Variants in VAT1L observed in about 807,000 individuals in gnomAD.
VAT1L encodes vesicle amine transport 1 like.
A neutral mutation model predicts 44.1 loss-of-function variants in VAT1L; 34 were observed. That is an observed-to-expected ratio of 0.77 (90% confidence interval 0.59 to 1.03). The LOEUF (loss-of-function observed/expected upper bound fraction) is 1.03. Ranked by LOEUF, VAT1L falls within the 50% of genes least tolerant of loss-of-function variation. The pLI is 0.00. For missense variants in VAT1L, 615 were observed against 538.8 expected, an observed-to-expected ratio of 1.14 and a Z score of -1.40; for synonymous variants, 253 against 202.2, an observed-to-expected ratio of 1.25 and a Z score of -2.13.
intron 7 of VAT1L, among the ~76,000 whole-genome samples, chr16:77,925,891 A>G (rs1405446966): frequency 6.6e-6 from 1 of 152,042 alleles, no homozygotes; most frequent in Non-Finnish European, 1.5e-5. Context: ...GAAGCTGCCT[A>G]GATGCTTTAT....
At chr16:77,856,025 C>CAAAA (rs1431319671) in intron 3 of VAT1L, among the ~76,000 whole-genome samples, 5 of 152,034 alleles carry the variant, frequency 3.3e-5, no homozygotes, top group African/African-American at 1.2e-4. Flanking sequence ...AACAAACAAA[C>CAAAA]AAACAAACAA....
intron 7 of VAT1L, among the ~76,000 whole-genome samples, chr16:77,946,780 C>A (rs1380355587): frequency 6.6e-6 from 1 of 152,154 alleles, no homozygotes; most frequent in Non-Finnish European, 1.5e-5. Flanking sequence ...TTAGATTCAC[C>A]CTTCCTTGTG....
At chr16:77,849,137 T>C (rs542388238) in intron 3 of VAT1L, among the ~76,000 whole-genome samples, 1 of 152,188 alleles carries the variant, frequency 6.6e-6, no homozygotes, top group East Asian at 1.9e-4. Flanking sequence ...CGTGTATGCC[T>C]ATGTAACAAA....
chr16:77,850,411 AAG>A (rs2016797272), intron 3 of VAT1L, among the ~76,000 whole-genome samples: 1 of 152,168 alleles, frequency 6.6e-6, no homozygotes, highest in Non-Finnish European at 1.5e-5. Flanking sequence ...ATCAGAATCC[AAG>A]TCCCACTGAT....
chr16:77,904,633 T>C (rs1037929258), intron 7 of VAT1L, among the ~76,000 whole-genome samples: 5 of 152,210 alleles, frequency 3.3e-5, no homozygotes, highest in South Asian at 2.1e-4. Context: ...AACCATTGCA[T>C]TGGGGTTCAG....
At chr16:77,924,382 A>G (rs1415772041) in intron 7 of VAT1L, among the ~76,000 whole-genome samples, 1 of 152,026 alleles carries the variant, frequency 6.6e-6, no homozygotes, top group African/African-American at 2.4e-5. Flanking sequence ...AGTGTATGAG[A>G]GCCGGGAATG....
chr16:77,959,611 C>G (rs1365966262), intron 7 of VAT1L, among the ~76,000 whole-genome samples: 3 of 152,118 alleles, frequency 2.0e-5, no homozygotes, highest in Non-Finnish European at 4.4e-5. Flanking sequence ...TGCTTATTAT[C>G]ATTCATAGCA....
At chr16:77,819,746 C>A (rs1004655396) in intron 2 of VAT1L, among the ~76,000 whole-genome samples, 2 of 152,366 alleles carry the variant, frequency 1.3e-5, no homozygotes, top group Admixed American at 1.3e-4. Flanking sequence ...GGGACACTCA[C>A]TGACAGTGGG....
intron 7 of VAT1L, among the ~76,000 whole-genome samples, chr16:77,933,690 C>A (rs866869622): frequency 6.6e-6 from 1 of 152,136 alleles, no homozygotes; most frequent in Non-Finnish European, 1.5e-5. Flanking sequence ...AGGTCTTAAG[C>A]AGAGCTGGAA....
rs1219169156 is a variant in VAT1L at position 77,979,942 on chromosome 16, C to T, written c.*2247C>T. ...GAAGTGTAAAGAATGTCTCAGTCTG[C>T]CTTAAAGGAACTGTGAAGGCTTCTC... On this transcript the variant is annotated 3_prime_UTR_variant, in exon 9 of 9. Transcript: ENST00000302536. 6.6e-6 allele frequency: 1 copy of T among 152,546 alleles called. No homozygotes were observed. Among genetic ancestry groups the T allele is most frequent in the African/African-American group, 2.4e-5 (1 of 41,412 alleles). The allele number at this position is 152,546 out of a possible 1,614,324, so 9.4% of individuals were successfully genotyped here.
At chr16:77,825,539 G>A (rs2016510005) in intron 3 of VAT1L, 78 bp downstream of exon 3, 3 of 1,455,848 alleles carry the variant, frequency 2.1e-6, no homozygotes, top group African/African-American at 1.4e-5. Flanking sequence ...GAGGTCTTAT[G>A]TGAGCTATGT....
intron 7 of VAT1L, among the ~76,000 whole-genome samples, chr16:77,923,596 C>A (rs982380300): frequency 4.6e-5 from 7 of 152,124 alleles, no homozygotes; most frequent in Non-Finnish European, 8.8e-5. Context: ...TGTAGAATTT[C>A]TTTGGTATTT....
chr16:77,940,352 T>C (rs2017865634), intron 7 of VAT1L, among the ~76,000 whole-genome samples: 1 of 149,196 alleles, frequency 6.7e-6, no homozygotes, highest in Non-Finnish European at 1.5e-5. Flanking sequence ...TTTTTTTTTT[T>C]TTTTTTTTGG....
At chr16:77,856,856 T>C (rs940041164) in intron 3 of VAT1L, among the ~76,000 whole-genome samples, 27 of 152,340 alleles carry the variant, frequency 1.8e-4, no homozygotes, top group African/African-American at 6.0e-4. Context: ...CAGAGTGGCC[T>C]TGGAGTCACG....
chr16:77,847,271 G>C (rs7197297), intron 3 of VAT1L, among the ~76,000 whole-genome samples: 17,960 of 151,786 alleles, frequency 0.12, 1,504 homozygotes, highest in African/African-American at 0.24. Context: ...TACTTCTTTT[G>C]TTGATTGTGA....
At chr16:77,819,887 T>C (rs1244858346) in intron 2 of VAT1L, among the ~76,000 whole-genome samples, 1 of 152,254 alleles carries the variant, frequency 6.6e-6, no homozygotes, top group Non-Finnish European at 1.5e-5. Context: ...TCTGTTCTTT[T>C]AGAGCAAACA....
intron 5 of VAT1L, among the ~76,000 whole-genome samples, chr16:77,878,124 G>C (rs1319870205): frequency 6.6e-6 from 1 of 152,104 alleles, no homozygotes; most frequent in Admixed American, 6.5e-5. Flanking sequence ...TTGATCACTT[G>C]GTCACTAATT....
At chr16:77,796,971 A>G (rs1352124291) in intron 1 of VAT1L, among the ~76,000 whole-genome samples, 1 of 152,248 alleles carries the variant, frequency 6.6e-6, no homozygotes, top group African/African-American at 2.4e-5. Context: ...GAGGCTCTAA[A>G]AGGTGTGAGG....
intron 6 of VAT1L, chr16:77,882,033 C>T (rs913330578): frequency 6.6e-6 from 1 of 152,202 alleles, no homozygotes; most frequent in African/African-American, 2.4e-5. Flanking sequence ...CTGCCCAAAG[C>T]AGGGGTTCCT....
Sources: gnomAD v4.1 joint callset for allele counts (sites outside exome capture counted in the v4.1 genomes callset) on GRCh38, gnomAD v4.1.1 for gene constraint, MANE v1.5 for transcripts, NCBI Gene and HGNC (gene_info 2026-07-23, HGNC 2026-07-21) for gene names.